Variants in NFAT5 observed in about 807,000 individuals in gnomAD.
NFAT5 encodes the protein nuclear factor of activated T-cells 5.
In NFAT5, 31 loss-of-function variants were observed where a neutral mutation model predicts 166.5. The ratio of observed to expected loss-of-function variants is 0.19; its 90% confidence interval spans 0.14 to 0.25. The LOEUF (loss-of-function observed/expected upper bound fraction) is 0.25, where lower values mean the gene tolerates loss of function less well. Ranked by LOEUF, NFAT5 falls within the 10% of genes least tolerant of loss-of-function variation. The pLI, the probability that NFAT5 is intolerant of heterozygous loss-of-function variation, is 1.00. For synonymous variants in NFAT5, 612 were observed against 639.7 expected (o/e 0.96, Z 0.65); for missense variants, 1,449 against 1,821.8 (o/e 0.80, Z 3.72).
chr16:69,591,482 A>G (rs990383830), intron 2 of NFAT5, among the ~76,000 whole-genome samples: 1 of 152,204 alleles, frequency 6.6e-6, no homozygotes, highest in African/African-American at 2.4e-5. Flanking sequence ...ATAATCAAGT[A>G]TCTGTTTTAA....
intron 2 of NFAT5, among the ~76,000 whole-genome samples, chr16:69,608,982 G>A (rs143104736): frequency 0.011 from 1,735 of 151,546 alleles, 22 homozygotes; most frequent in African/African-American, 0.037. Context: ...TTAGCCAGGC[G>A]TGGTGGCAGG....
chr16:69,625,480 G>A (rs886913622), intron 2 of NFAT5, among the ~76,000 whole-genome samples: 5 of 151,568 alleles, frequency 3.3e-5, no homozygotes, highest in African/African-American at 4.8e-5. Context: ...TGCCTTTCCA[G>A]GGTTGGAGAT....
At chr16:69,581,076 C>G (rs1227895230) in intron 2 of NFAT5, among the ~76,000 whole-genome samples, 1 of 152,198 alleles carries the variant, frequency 6.6e-6, no homozygotes, top group Non-Finnish European at 1.5e-5. Flanking sequence ...GGGTCTCACT[C>G]TATCACCTAG....
chr16:69,648,384 C>T (rs1453631780), intron 4 of NFAT5: 1 of 980,074 alleles, frequency 1.0e-6, no homozygotes, highest in Non-Finnish European at 1.2e-6. Context: ...TGATTCTCAT[C>T]ATTTAGATTC....
At chr16:69,651,121 T>G (rs1402934095) in intron 4 of NFAT5, among the ~76,000 whole-genome samples, 1 of 152,264 alleles carries the variant, frequency 6.6e-6, no homozygotes, top group Non-Finnish European at 1.5e-5. Flanking sequence ...AGGATCTTTC[T>G]CATCTTAATA....
At chr16:69,621,315 A>G (rs1006779849) in intron 2 of NFAT5, among the ~76,000 whole-genome samples, 2 of 152,060 alleles carry the variant, frequency 1.3e-5, no homozygotes, top group Admixed American at 6.6e-5. Context: ...ACCCATTTAG[A>G]GGGTACAATT....
chr16:69,691,711 T>G, intron 12 of NFAT5, 38 bp from the exon 13 acceptor site: 5 of 1,509,600 alleles, frequency 3.3e-6, no homozygotes, highest in Non-Finnish European at 4.5e-6. Flanking sequence ...TGTTTAATGT[T>G]TATATATTCA....
chr16:69,681,170 A>T lies in NFAT5; in HGVS notation c.1691-3717A>T, dbSNP rs139423782. 2.5e-3 allele frequency among the ~76,000 whole-genome samples: 379 copies of T among 152,340 alleles called. 3 individuals are homozygous for T. The highest frequency in any genetic ancestry group is 8.7e-3 in the African/African-American group (363 of 41,572). On this transcript the variant is annotated intron_variant, in intron 10 of 14. Transcript: ENST00000349945. ...AACTTGGGCACAGAGAATTTGGCCT[A>T]TCTCAGTATGACAAACTAATAGCTG...
chr16:69,658,710 C>T (rs1442010791), intron 6 of NFAT5, among the ~76,000 whole-genome samples: 1 of 151,992 alleles, frequency 6.6e-6, no homozygotes, highest in East Asian at 1.9e-4. Flanking sequence ...GCCTGTAATC[C>T]CAGCTACTCA....
chr16:69,643,413 A>G (rs1288061184), intron 3 of NFAT5, among the ~76,000 whole-genome samples: 3 of 150,924 alleles, frequency 2.0e-5, no homozygotes, highest in African/African-American at 7.3e-5. Flanking sequence ...TGATATCATT[A>G]TTTTATGTAT....
At chr16:69,608,539 G>A (rs574828311) in intron 2 of NFAT5, among the ~76,000 whole-genome samples, 23 of 151,980 alleles carry the variant, frequency 1.5e-4, no homozygotes, top group Non-Finnish European at 2.2e-4. Context: ...GGCGGATCAC[G>A]AGGTCAGGAG....
At chr16:69,571,062 TG>T (rs1301265408) in intron 2 of NFAT5, among the ~76,000 whole-genome samples, 1 of 133,448 alleles carries the variant, frequency 7.5e-6, no homozygotes, top group Admixed American at 9.0e-5. Flanking sequence ...ACTCCTGAGG[TG>T]GGCATATCAC....
At chr16:69,630,017 A>T (rs1037924589) in intron 3 of NFAT5, among the ~76,000 whole-genome samples, 2 of 151,212 alleles carry the variant, frequency 1.3e-5, no homozygotes, top group African/African-American at 4.9e-5. Flanking sequence ...GCTCACTGCA[A>T]CCTCCACCTC....
chr16:69,617,088 C>T (rs548059415), intron 2 of NFAT5, among the ~76,000 whole-genome samples: 2 of 152,014 alleles, frequency 1.3e-5, no homozygotes, highest in Non-Finnish European at 2.9e-5. Context: ...GGACAACAGG[C>T]GCCCACCATC....
At chr16:69,575,150 A>C (rs1004889275) in intron 2 of NFAT5, among the ~76,000 whole-genome samples, 1 of 152,084 alleles carries the variant, frequency 6.6e-6, no homozygotes, top group Non-Finnish European at 1.5e-5. Context: ...TAGTGAGCTA[A>C]GTTGTTGATT....
At chr16:69,584,936 A>G (rs2031946757) in intron 2 of NFAT5, among the ~76,000 whole-genome samples, 1 of 152,168 alleles carries the variant, frequency 6.6e-6, no homozygotes, top group South Asian at 2.1e-4. Context: ...ATTCACAAAT[A>G]TAAATGTATT....
intron 3 of NFAT5, among the ~76,000 whole-genome samples, chr16:69,642,040 A>G (rs1026373782): frequency 1.3e-5 from 2 of 152,000 alleles, no homozygotes; most frequent in African/African-American, 4.8e-5. Context: ...TCGAGGCTGC[A>G]GTGGGTTGTG....
intron 2 of NFAT5, among the ~76,000 whole-genome samples, chr16:69,596,849 G>A (rs917220594): frequency 6.6e-6 from 1 of 151,118 alleles, no homozygotes; most frequent in African/African-American, 2.4e-5. Context: ...TTCCCTAATT[G>A]AGCTTACTTC....
At chr16:69,634,972 A>G (rs1252379004) in intron 3 of NFAT5, among the ~76,000 whole-genome samples, 1 of 152,040 alleles carries the variant, frequency 6.6e-6, no homozygotes, top group Middle Eastern at 3.2e-3. Context: ...TAATTATTGA[A>G]TAAACATTGA....
Sources: allele counts gnomAD v4.1 joint callset (sites outside exome capture counted in the v4.1 genomes callset), GRCh38; gene constraint gnomAD v4.1.1; transcripts MANE v1.5; gene names NCBI Gene and HGNC (gene_info 2026-07-23, HGNC 2026-07-21).